Variants in NKAIN4 observed in about 807,000 individuals in gnomAD.
NKAIN4 encodes sodium/potassium-transporting ATPase subunit beta-1-interacting protein 4.
In NKAIN4, 28 loss-of-function variants were observed where a neutral mutation model predicts 28.8. The ratio of observed to expected loss-of-function variants is 0.97; its 90% CI spans 0.72 to 1.33. The LOEUF (loss-of-function observed/expected upper bound fraction) is 1.33, where lower values mean the gene tolerates loss of function less well. Among genes scored for constraint, NKAIN4 ranks in the 40% most tolerant of loss-of-function variants. NKAIN4 has a pLI of 0.00. For missense variants in NKAIN4, 289 were observed against 277.2 expected, an observed-to-expected ratio of 1.04 and a Z score of -0.30; for synonymous variants, 122 against 115.6, an observed-to-expected ratio of 1.06 and a Z score of -0.36.
Position 63,241,106 on chromosome 20 carries a change from A to C in NKAIN4, c.*391T>G. The C allele has an allele frequency of 4.0e-6, 1 of 250,094 alleles. No individual in the cohort carries two copies. The highest frequency in any genetic ancestry group is 7.8e-6 in the Non-Finnish European group (1 of 127,848). The allele number at this position is 250,094 out of a possible 1,614,324, so 15.5% of individuals were successfully genotyped here. ...CTTCCTGGGGAGGCTGCATCCCAGC[A>C]GCAGTGCTTGCAGCCCGAGGGTCCA... On this transcript the variant is annotated 3_prime_UTR_variant, in exon 7 of 7. Transcript: ENST00000370316.
At chr20:63,250,544 G>A (rs115330279) in intron 1 of NKAIN4, among the ~76,000 whole-genome samples, 191 of 146,306 alleles carry the variant, frequency 1.3e-3, no homozygotes, top group African/African-American at 4.0e-3. Flanking sequence ...AGTACTGGAC[G>A]CCGAGGCCCC....
At chr20:63,246,627 C>G in intron 4 of NKAIN4, 4 of 985,378 alleles carry the variant, frequency 4.1e-6, no homozygotes, top group Non-Finnish European at 2.4e-6. Flanking sequence ...CCCAGGTCCA[C>G]CTGGTGTGTT....
At chr20:63,253,894 C>G (rs950161701) in intron 1 of NKAIN4, 1 of 155,532 alleles carries the variant, frequency 6.4e-6, no homozygotes, top group African/African-American at 2.4e-5. Context: ...CGTTCTCACC[C>G]CCCGCCCCCT....
chr20:63,254,499 G>A, upstream of NKAIN4: 4 of 1,173,690 alleles, frequency 3.4e-6, no homozygotes, highest in South Asian at 2.9e-5. Flanking sequence ...CTCGGCCCCC[G>A]CCCCCGCTCC....
chr20:63,247,727 G>C lies in NKAIN4; in HGVS notation c.322C>G (p.Arg108Gly). 1 of 1,495,038 alleles carries C rather than the reference G, an allele frequency of 6.7e-7. No individual in the cohort carries two copies. The highest frequency in any genetic ancestry group is 8.9e-7 in the Non-Finnish European group (1 of 1,118,680). The allele number at this position is 1,495,038 out of a possible 1,614,324, so 92.6% of individuals were successfully genotyped here. The change falls in exon 4 of 7, where the codon CGT becomes GGT. Residue 108 changes from arginine to glycine, a missense_variant. Transcript: ENST00000370316. Reference protein sequence around the residue: ...FSLSRHRSWWRERWPGCLHEE... With the variant: ...FSLSRHRSWWGERWPGCLHEE... ...TGCAGACAGCCTGGCCAGCGCTCAC[G>C]CCACCAGGAGCGATGCCGGGAGAGG... is the stretch of plus-strand genomic sequence containing the variant.
In NKAIN4 at chr20:63,242,614, A is replaced by C; in HGVS notation, c.542T>G (p.Ile181Ser). The C allele has an allele frequency of 6.2e-7, 1 of 1,611,960 alleles. No individual in the cohort carries two copies. Among genetic ancestry groups the C allele is most frequent in the African/African-American group, 1.3e-5 (1 of 74,986 alleles). The change falls in exon 6 of 7, where the codon ATT becomes AGT. Residue 181 changes from isoleucine to serine, a missense_variant. Coordinates refer to ENST00000370316, the MANE Select transcript of NKAIN4 (RefSeq NM_152864.4). ...FTEEEDSFDF[I>S]GGFDPFPLYH... The stretch of plus-strand genomic sequence containing the variant: ...GAGAGGAAATGGATCAAATCCACCA[A>C]TGAAATCAACTGAAAGAAATCAAGA...
intron 5 of NKAIN4, 152 bp downstream of exon 5, chr20:63,243,872 G>A (rs546784887): frequency 7.9e-6 from 5 of 636,020 alleles, no homozygotes; most frequent in Non-Finnish European, 1.4e-5. Context: ...GCGAGTCCTC[G>A]CTCAGGCCTA....
chr20:63,246,671 A>G (rs1029575440), intron 4 of NKAIN4: 88 of 985,306 alleles, frequency 8.9e-5, no homozygotes, highest in Non-Finnish European at 1.0e-4. Flanking sequence ...AGGAAAAGCC[A>G]GGGAGCCTCG....
At position 63,247,431 on chromosome 20, in the gene NKAIN4, C is replaced by T. The variant is rs1210628098; in HGVS notation, c.471+147G>A. 2 of 1,541,566 alleles carry T rather than the reference C, an allele frequency of 1.3e-6. 1 individual carries two copies. The highest frequency in any genetic ancestry group is 3.9e-5 in the Admixed American group (2 of 50,934). ...TGGGACCCACCCGTGATACCTTAACCTCTCCAGCAAGGGTGGGGGATGAGG... is the reference window on the plus strand; with the variant it reads ...TGGGACCCACCCGTGATACCTTAACTTCTCCAGCAAGGGTGGGGGATGAGG... On this transcript the variant is annotated intron_variant, in intron 4 of 6. Coordinates refer to ENST00000370316, the MANE Select transcript of NKAIN4 (RefSeq NM_152864.4).
chr20:63,247,379 AGAG>A, intron 4 of NKAIN4, 196 bp downstream of exon 4: 3 of 1,525,746 alleles, frequency 2.0e-6, no homozygotes, highest in Non-Finnish European at 2.6e-6. Flanking sequence ...GGTGGTTTGC[AGAG>A]GAGGCACTGA....
chr20:63,253,286 T>G, intron 1 of NKAIN4: 1 of 985,282 alleles, frequency 1.0e-6, no homozygotes, highest in Non-Finnish European at 1.2e-6. Flanking sequence ...GGACCTCAGG[T>G]TATCTCCGCG....
At chr20:63,247,296 A>G (rs994155584) in intron 4 of NKAIN4, 2 of 1,373,194 alleles carry the variant, frequency 1.5e-6, no homozygotes, top group Non-Finnish European at 1.9e-6. Flanking sequence ...GCCTGATCCG[A>G]TTCCTTCCCA....
chr20:63,254,791 G>C, upstream of NKAIN4: 2 of 220,544 alleles, frequency 9.1e-6, no homozygotes, highest in Non-Finnish European at 1.8e-5. Context: ...AGGGATGACC[G>C]GCGTCCGCCC....
chr20:63,242,025 G>A (rs2066761877), intron 6 of NKAIN4, among the ~76,000 whole-genome samples: 2 of 152,166 alleles, frequency 1.3e-5, no homozygotes, highest in Admixed American at 6.5e-5. Context: ...CTAGGATTGT[G>A]TACGGGGCGG....
intron 2 of NKAIN4, 35 bp from the exon 3 acceptor site, chr20:63,248,930 A>G (rs2123107651): frequency 6.9e-7 from 1 of 1,452,352 alleles, no homozygotes; most frequent in Non-Finnish European, 9.7e-7. Flanking sequence ...GCAGCTGAAC[A>G]CAGCTCCCGG....
chr20:63,249,928 G>C lies in NKAIN4; in HGVS notation c.192+7C>G, dbSNP rs747366545. ...TGCCCATAAAGAGGGCCGGGCCCAG[G>C]ACTCACCACCATGACATAGCGCAGC... On this transcript the variant is annotated splice_region_variant and intron_variant, in intron 2 of 6. Transcript: ENST00000370316. The C allele has an allele frequency of 2.5e-6, 4 of 1,611,480 alleles. No individual in the cohort carries two copies. The Admixed American group carries it at 6.7e-5, about 27-fold the overall frequency.
chr20:63,245,564 C>T lies in NKAIN4; in HGVS notation c.472-1480G>A, dbSNP rs1233010789. On this transcript the variant is annotated intron_variant, in intron 4 of 6. Transcript: ENST00000370316. This position sits in a 1 kb window ranked among gnomAD's most constrained non-coding sequence, Gnocchi z 4.7. ...CAGGTCCACCCCAAAGCTCTCCCCT[C>T]TCCCTGCTGCATGGAGGCCTGGGAT... 6.6e-6 allele frequency among the ~76,000 whole-genome samples: 1 copy of T among 152,104 alleles called. No homozygotes were observed. The highest frequency in any genetic ancestry group is 1.5e-5 in the Non-Finnish European group (1 of 68,012).
chr20:63,250,695 G>C (rs532797518), intron 1 of NKAIN4, among the ~76,000 whole-genome samples: 6 of 152,096 alleles, frequency 3.9e-5, no homozygotes, highest in African/African-American at 1.4e-4. Flanking sequence ...GAACCAATGA[G>C]GGGGGGAGGG....
chr20:63,244,184 C>A (rs952636797), intron 4 of NKAIN4, 100 bp from the exon 5 acceptor site: 25 of 1,003,942 alleles, frequency 2.5e-5, no homozygotes, highest in Non-Finnish European at 3.2e-5. Flanking sequence ...CCCTGACCAC[C>A]AAGGCCCTGC....
Sources: allele counts gnomAD v4.1 joint callset (sites outside exome capture counted in the v4.1 genomes callset), GRCh38; gene constraint gnomAD v4.1.1; non-coding constraint Gnocchi (gnomAD v3.1); transcripts MANE v1.5; gene names NCBI Gene and HGNC (gene_info 2026-07-23, HGNC 2026-07-21).